Variants in RERE observed in about 807,000 individuals in gnomAD.
RERE encodes arginine-glutamic acid dipeptide repeats, also known as arginine-glutamic acid dipeptide repeats protein.
A neutral mutation model predicts 146.1 loss-of-function variants in RERE; 40 were observed. The observed-to-expected ratio is 0.27, with a 90% CI of 0.21 to 0.36. The LOEUF (loss-of-function observed/expected upper bound fraction) is 0.36, where lower values mean the gene tolerates loss of function less well. Ranked by LOEUF, RERE falls within the 10% of genes least tolerant of loss-of-function variation. The pLI is 1.00. For synonymous variants in RERE, 1,003 were observed against 866.0 expected (o/e 1.16, Z -2.78); for missense variants, 1,933 against 2,138.7 (o/e 0.90, Z 1.90).
chr1:8,804,534 A>G (rs1641646799), intron 1 of RERE, among the ~76,000 whole-genome samples: 1 of 152,222 alleles, frequency 6.6e-6, no homozygotes, highest in Non-Finnish European at 1.5e-5. Flanking sequence ...TTGACTAGGC[A>G]CATAGTAATT....
At chr1:8,369,494 C>A (rs1641942053) in intron 12 of RERE, among the ~76,000 whole-genome samples, 1 of 98,154 alleles carries the variant, frequency 1.0e-5, no homozygotes. Context: ...TCGAATAAAT[C>A]TTTCGCCTTT....
intron 11 of RERE, among the ~76,000 whole-genome samples, chr1:8,442,768 G>C (rs577404727): frequency 3.3e-4 from 50 of 152,330 alleles, no homozygotes; most frequent in Admixed American, 2.9e-3. Flanking sequence ...GAAGATGAGG[G>C]AAAGTTTGGA....
intron 12 of RERE, among the ~76,000 whole-genome samples, chr1:8,402,318 G>A (rs567530373): frequency 1.3e-5 from 2 of 152,184 alleles, no homozygotes; most frequent in South Asian, 4.1e-4. Context: ...CACCATCACA[G>A]CCAGGTGGCA....
At position 8,355,086 on chromosome 1, in the gene RERE, C is replaced by T. The variant is rs768447382; in HGVS notation, c.*1G>A. The T allele has an allele frequency of 1.2e-6, 2 of 1,613,792 alleles. No homozygotes were observed. The highest frequency in any genetic ancestry group is 1.7e-6 in the Non-Finnish European group (2 of 1,179,800). ...ACAGCCAGCGTTAACAAATAAATAA[C>T]TTATAACTGCTTGTCACCTTCTTTC... is the stretch of plus-strand genomic sequence containing the variant. On this transcript the variant is annotated 3_prime_UTR_variant, in exon 23 of 23. Transcript: ENST00000400908.
At chr1:8,727,337 T>C (rs903775726) in intron 1 of RERE, among the ~76,000 whole-genome samples, 4 of 151,462 alleles carry the variant, frequency 2.6e-5, no homozygotes, top group East Asian at 1.9e-4. Flanking sequence ...AGACAGAATT[T>C]CTCCATGTTG....
chr1:8,557,952 AAG>A (rs1373374792), intron 4 of RERE, among the ~76,000 whole-genome samples: 1 of 152,218 alleles, frequency 6.6e-6, no homozygotes, highest in African/African-American at 2.4e-5. Flanking sequence ...TAAGGCTAGA[AAG>A]AACTTACCCC....
intron 8 of RERE, among the ~76,000 whole-genome samples, chr1:8,503,849 A>G (rs542197865): frequency 2.9e-4 from 44 of 152,350 alleles, no homozygotes; most frequent in Middle Eastern, 3.4e-3. Context: ...GCTGTTTTCA[A>G]TAAGCATACT....
chr1:8,433,647 G>A (rs907693062), intron 11 of RERE, among the ~76,000 whole-genome samples: 5 of 147,614 alleles, frequency 3.4e-5, no homozygotes, highest in Non-Finnish European at 1.5e-5. Flanking sequence ...TGCAAGCTCC[G>A]CTTCCCGGGT....
intron 8 of RERE, among the ~76,000 whole-genome samples, chr1:8,505,119 A>T (rs2124284315): frequency 6.6e-6 from 1 of 152,318 alleles, no homozygotes; most frequent in Middle Eastern, 3.4e-3. Flanking sequence ...ACACTGGGGG[A>T]CTAGGGGAAG....
intron 12 of RERE, chr1:8,381,142 T>G (rs1037378264): frequency 2.6e-6 from 1 of 380,040 alleles, no homozygotes; most frequent in African/African-American, 2.1e-5. Flanking sequence ...CCGATGCGCC[T>G]GTTTCCATGA....
intron 12 of RERE, among the ~76,000 whole-genome samples, chr1:8,402,712 G>A (rs931534329): frequency 2.0e-5 from 3 of 152,068 alleles, no homozygotes; most frequent in South Asian, 2.1e-4. Flanking sequence ...TTCTTAGATC[G>A]TATTTATATG....
intron 12 of RERE, among the ~76,000 whole-genome samples, chr1:8,411,926 GATTCTCGCCAA>G (rs1424139774): frequency 6.6e-6 from 1 of 152,040 alleles, no homozygotes; most frequent in African/African-American, 2.4e-5. Context: ...ACAAATTACA[GATTCTCGCCAA>G]ATGAAAACAC....
In RERE at chr1:8,355,616, A is replaced by C. The variant is rs369442106; in HGVS notation, c.4487-17T>G. The C allele has an allele frequency of 1.1e-5, 17 of 1,556,200 alleles. No homozygotes were observed. The highest frequency in any genetic ancestry group is 8.1e-5 in the African/African-American group (6 of 73,944). ...AGGGGGTGCCTGCCGAACACAAAAC[A>C]ACCTGCGCTACAGAAATAGCCAGAG... On this transcript the variant is annotated splice_polypyrimidine_tract_variant and intron_variant, in intron 21 of 22. Transcript: ENST00000400908.
At chr1:8,448,955 A>G (rs1570257565) in intron 11 of RERE, among the ~76,000 whole-genome samples, 1 of 152,178 alleles carries the variant, frequency 6.6e-6, no homozygotes, top group Non-Finnish European at 1.5e-5. Context: ...CCACTCACAC[A>G]GGAAACCTCA....
intron 4 of RERE, among the ~76,000 whole-genome samples, chr1:8,583,992 C>CTA (rs1371796725): frequency 1.3e-5 from 2 of 151,908 alleles, no homozygotes; most frequent in East Asian, 3.8e-4. Context: ...AAACAAAAAA[C>CTA]TATAATGTAC....
intron 11 of RERE, chr1:8,429,885 C>T (rs1644072067): frequency 6.6e-6 from 1 of 152,440 alleles, no homozygotes; most frequent in African/African-American, 2.4e-5. Flanking sequence ...CGAGGAGACA[C>T]ACAGGCAGTG....
At chr1:8,722,730 T>TACATTGCA (rs1639887701) in intron 1 of RERE, among the ~76,000 whole-genome samples, 1 of 152,202 alleles carries the variant, frequency 6.6e-6, no homozygotes, top group African/African-American at 2.4e-5. Context: ...CTATAAGTAA[T>TACATTGCA]CTGGAGACGA....
chr1:8,598,810 G>A (rs1018943504), intron 4 of RERE, among the ~76,000 whole-genome samples: 2 of 152,160 alleles, frequency 1.3e-5, no homozygotes, highest in Non-Finnish European at 2.9e-5. Flanking sequence ...AGAGATCAAC[G>A]TCTTCTAACA....
chr1:8,810,217 C>T (rs544656009), intron 1 of RERE, among the ~76,000 whole-genome samples: 26 of 151,468 alleles, frequency 1.7e-4, no homozygotes, highest in African/African-American at 6.1e-4. Flanking sequence ...CCAGGCTGGT[C>T]TTGAATTCCT....
Sources: gnomAD v4.1 joint callset for allele counts (sites outside exome capture counted in the v4.1 genomes callset) on GRCh38, gnomAD v4.1.1 for gene constraint, MANE v1.5 for transcripts, NCBI Gene and HGNC (gene_info 2026-07-23, HGNC 2026-07-21) for gene names.